Variants in PURB observed in about 807,000 individuals in gnomAD.
PURB encodes the protein purine rich element binding protein B.
In PURB, 11 loss-of-function variants were observed where a neutral mutation model predicts 21.1. The ratio of observed to expected loss-of-function variants is 0.52; its 90% confidence interval spans 0.33 to 0.86. The LOEUF (loss-of-function observed/expected upper bound fraction) is 0.86, where lower values mean the gene tolerates loss of function less well. Ranked by LOEUF, PURB falls within the 40% of genes least tolerant of loss-of-function variation. The probability of loss-of-function intolerance (pLI) is 0.02; values close to 1 mark genes in which losing one functional copy is unlikely to be tolerated. For synonymous variants in PURB, 246 were observed against 210.8 expected (o/e 1.17, Z -1.45); for missense variants, 357 against 456.5 (o/e 0.78, Z 1.99).
In PURB at chr7:44,882,933, G is replaced by A. The variant is rs1793899101; in HGVS notation, c.*1477C>T. 6.6e-6 allele frequency: 1 copy of A among 152,148 alleles called. No individual in the cohort carries two copies. The highest frequency in any genetic ancestry group is 2.1e-4 in the South Asian group (1 of 4,832). 9.4% of individuals were successfully genotyped at this position (152,148 alleles called of 1,614,324 possible). ...AATCCATTTAAAATATAGAAGAGGC[G>A]ATCCTTGAAAACCCCAACTTTTATT... On this transcript the variant is annotated 3_prime_UTR_variant, in exon 1 of 1. Coordinates refer to ENST00000395699, the MANE Select transcript of PURB (RefSeq NM_033224.5).
rs1292301047 is a variant in PURB, at chr7:44,878,083, C to G, written c.*6327G>C. 2 of 152,190 alleles carry G rather than the reference C, an allele frequency of 1.3e-5. No homozygotes were observed. The highest frequency in any genetic ancestry group is 1.3e-4 in the Admixed American group (2 of 15,282). The allele number at this position is 152,190 out of a possible 1,614,324, so 9.4% of individuals were successfully genotyped here. A position where few individuals can be genotyped will look rare whatever the true frequency, so the allele number is the denominator to read the frequency against. On this transcript the variant is annotated 3_prime_UTR_variant, in exon 1 of 1. Coordinates refer to ENST00000395699, the MANE Select transcript of PURB (RefSeq NM_033224.5). ...TCTTCCAACCAGCCTGATCTTGCAA[C>G]TCAGAGTTAAGACTGGGGACGAAAT...
rs2128691225 is a variant in PURB at position 44,878,680 on chromosome 7, C to G, written c.*5730G>C. ...GAAATATAAAATACATTCATAAAGG[C>G]CTTACTTGGATCAGGGGTACAGATA... On this transcript the variant is annotated 3_prime_UTR_variant, in exon 1 of 1. Transcript: ENST00000395699. 6.5e-6 allele frequency: 1 copy of G among 152,686 alleles called. No homozygotes were observed. The highest frequency in any genetic ancestry group is 2.1e-4 in the South Asian group (1 of 4,832). 9.5% of individuals were successfully genotyped at this position (152,686 alleles called of 1,614,324 possible). A position where few individuals can be genotyped will look rare whatever the true frequency, so the allele number is the denominator to read the frequency against.
Position 44,885,023 on chromosome 7 carries a change from G to C in PURB, c.326C>G (p.Ala109Gly). 1 of 1,544,594 alleles carries C rather than the reference G, an allele frequency of 6.5e-7. No individual in the cohort carries two copies. The highest frequency in any genetic ancestry group is 8.7e-7 in the Non-Finnish European group (1 of 1,146,978). The change falls in exon 1 of 1, where the codon GCC becomes GGC. Residue 109 changes from alanine (A) to glycine (G), a missense_variant. Ala to Gly is a moderately conservative substitution (Grantham distance 60). Transcript: ENST00000395699. ...PSSPEQLAAG[A>G]EEGGGPRRAL... ...GCGCCGCGGCCCGCCGCCCTCCTCG[G>C]CGCCAGCCGCCAGCTGCTCGGGGCT...
chr7:44,884,919 G>A lies in PURB; in HGVS notation c.430C>T (p.Leu144=), dbSNP rs1407688144. The A allele has an allele frequency of 6.3e-7, 1 of 1,582,148 alleles. No homozygotes were observed. The highest frequency in any genetic ancestry group is 1.8e-5 in the Admixed American group (1 of 55,304). ...DLKENQRGRF[L]RIRQTVNRGG... Reference sequence around the variant, plus strand: ...CGGTTGACCGTTTGGCGGATGCGCAGGAAGCGGCCGCGCTGGTTCTCCTTG... The same window carrying A: ...CGGTTGACCGTTTGGCGGATGCGCAAGAAGCGGCCGCGCTGGTTCTCCTTG... Residue 144 remains leucine (L), a synonymous_variant, in exon 1 of 1, where the codon CTG becomes TTG. Coordinates refer to ENST00000395699, the MANE Select transcript of PURB (RefSeq NM_033224.5).
chr7:44,884,274 G>A lies in PURB; in HGVS notation c.*136C>T. ...TCTCTTACGATTATTTCTCTTAACT[G>A]TGTTACGTTTTGTTTTTTCCCTCTG... On this transcript the variant is annotated 3_prime_UTR_variant, in exon 1 of 1. Coordinates refer to ENST00000395699, the MANE Select transcript of PURB (RefSeq NM_033224.5). 6.8e-7 allele frequency: 1 copy of A among 1,460,796 alleles called. No individual in the cohort carries two copies. The allele number at this position is 1,460,796 out of a possible 1,614,324, so 90.5% of individuals were successfully genotyped here. A position where few individuals can be genotyped will look rare whatever the true frequency, so the allele number is the denominator to read the frequency against.
At position 44,885,495 on chromosome 7, in the gene PURB, C is replaced by T. The variant is rs1303609547; in HGVS notation, c.-147G>A. Reference sequence around the variant, plus strand: ...CCGGCCGCCGCCGCCCCCCCATCGCCTCCGCGCCCCGCCCCCGCGACTTCC... The same window carrying T: ...CCGGCCGCCGCCGCCCCCCCATCGCTTCCGCGCCCCGCCCCCGCGACTTCC... On this transcript the variant is annotated 5_prime_UTR_variant, in exon 1 of 1. Transcript: ENST00000395699. The T allele has an allele frequency of 4.6e-5, 8 of 172,650 alleles. No homozygotes were observed. The East Asian group carries it at 7.6e-4, about 16-fold the overall frequency. The allele number at this position is 172,650 out of a possible 1,614,324, so 10.7% of individuals were successfully genotyped here. A position where few individuals can be genotyped will look rare whatever the true frequency, so the allele number is the denominator to read the frequency against.
chr7:44,884,496 G>A lies in PURB; in HGVS notation c.853C>T (p.Arg285Ter). The change falls in exon 1 of 1, where the codon CGA (arginine) becomes TGA (stop). Residue 285 changes from arginine (R) to a stop codon, truncating the protein, a stop_gained. Transcript: ENST00000395699. LOFTEE classifies it high-confidence loss of function. ...CGCTCATAAAGCTTATCCCTCTGTC[G>A]TTCCTGGATTTCTTTCATCTCATCC... ...YADEMKEIQE[R>*]QRDKLYERRG... 6.2e-7 allele frequency: 1 copy of A among 1,613,928 alleles called. No individual in the cohort carries two copies. Among genetic ancestry groups the A allele is most frequent in the Non-Finnish European group, 8.5e-7 (1 of 1,180,016 alleles).
chr7:44,882,051 T>C lies in PURB; in HGVS notation c.*2359A>G, dbSNP rs1293213708. On this transcript the variant is annotated 3_prime_UTR_variant, in exon 1 of 1. Coordinates refer to ENST00000395699, the MANE Select transcript of PURB (RefSeq NM_033224.5). ...TGGTCTATACAAGAATTGTACATGG[T>C]TTGAAAATGAAAAAGTTACAGCAAT... 1 of 152,812 alleles carries C rather than the reference T, an allele frequency of 6.5e-6. No homozygotes were observed. The highest frequency in any genetic ancestry group is 2.4e-5 in the African/African-American group (1 of 41,468). 9.5% of individuals were successfully genotyped at this position (152,812 alleles called of 1,614,324 possible). A position where few individuals can be genotyped will look rare whatever the true frequency, so the allele number is the denominator to read the frequency against.
In PURB at chr7:44,884,995, C is replaced by A. The variant is rs1000168378; in HGVS notation, c.354G>T (p.Ala118=). The A allele has an allele frequency of 9.1e-6, 14 of 1,546,400 alleles. No individual in the cohort carries two copies. In the African/African-American group the frequency reaches 9.8e-5, roughly 11 times the overall value. ...CACGCACCAAGAATTCGCTCTTGAG[C>A]GCGCGCCGCGGCCCGCCGCCCTCCT... ...GAEEGGGPRR[A]LKSEFLVREN... The change falls in exon 1 of 1, where the codon GCG becomes GCT. Residue 118 remains alanine, a synonymous_variant. Coordinates refer to ENST00000395699, the MANE Select transcript of PURB (RefSeq NM_033224.5).
chr7:44,878,713 G>C lies in PURB; in HGVS notation c.*5697C>G, dbSNP rs1793834076. The C allele has an allele frequency of 6.6e-6, 1 of 152,490 alleles. No individual in the cohort carries two copies. Among genetic ancestry groups the C allele is most frequent in the Non-Finnish European group, 1.5e-5 (1 of 68,006 alleles). The allele number at this position is 152,490 out of a possible 1,614,324, so 9.4% of individuals were successfully genotyped here. A position where few individuals can be genotyped will look rare whatever the true frequency, so the allele number is the denominator to read the frequency against. On this transcript the variant is annotated 3_prime_UTR_variant, in exon 1 of 1. Coordinates refer to ENST00000395699, the MANE Select transcript of PURB (RefSeq NM_033224.5). ...GGATCAGGGGTACAGATATCAATTG[G>C]GAATCTCTAAGGTAATAAGTTTTCT... is the stretch of plus-strand genomic sequence containing the variant.
chr7:44,880,925 G>T lies in PURB; in HGVS notation c.*3485C>A, dbSNP rs1056352992. 4 of 152,550 alleles carry T rather than the reference G, an allele frequency of 2.6e-5. No homozygotes were observed. The highest frequency in any genetic ancestry group is 7.2e-5 in the African/African-American group (3 of 41,408). The allele number at this position is 152,550 out of a possible 1,614,324, so 9.4% of individuals were successfully genotyped here. A position where few individuals can be genotyped will look rare whatever the true frequency, so the allele number is the denominator to read the frequency against. The stretch of plus-strand genomic sequence containing the variant: ...GGGTTTTTGGTTTGGTTTTCACTTT[G>T]ATTTTTGGTGCCATACAGATTTATA... On this transcript the variant is annotated 3_prime_UTR_variant, in exon 1 of 1. Transcript: ENST00000395699.
In PURB at chr7:44,878,827, G is replaced by A. The variant is rs1031159066; in HGVS notation, c.*5583C>T. ...TTTCAAGTAAGAGTCTGTTAAATCC[G>A]TCAGTAATAAAACTGAGTTTTAAGA... is the stretch of plus-strand genomic sequence containing the variant. On this transcript the variant is annotated 3_prime_UTR_variant, in exon 1 of 1. Coordinates refer to ENST00000395699, the MANE Select transcript of PURB (RefSeq NM_033224.5). The A allele has an allele frequency of 3.3e-5, 5 of 152,288 alleles. No homozygotes were observed. The highest frequency in any genetic ancestry group is 2.1e-4 in the South Asian group (1 of 4,824). 9.4% of individuals were successfully genotyped at this position (152,288 alleles called of 1,614,324 possible).
rs555617665 is a variant in PURB at position 44,879,300 on chromosome 7, T to G, written c.*5110A>C. ...CCTCAGCCTCCCAGAGTGCTGGGAT[T>G]ACAGGCGTGAGCCACCACGCCCGGC... On this transcript the variant is annotated 3_prime_UTR_variant, in exon 1 of 1. Coordinates refer to ENST00000395699, the MANE Select transcript of PURB (RefSeq NM_033224.5). 25 of 152,372 alleles carry G rather than the reference T, an allele frequency of 1.6e-4. No individual in the cohort carries two copies. Among genetic ancestry groups the G allele is most frequent in the African/African-American group, 5.8e-4 (24 of 41,572 alleles). The allele number at this position is 152,372 out of a possible 1,614,324, so 9.4% of individuals were successfully genotyped here. A position where few individuals can be genotyped will look rare whatever the true frequency, so the allele number is the denominator to read the frequency against.
Position 44,884,413 on chromosome 7 carries a change from A to G in PURB, c.936T>C (p.Asp312=). ...EESEGEEVDE[D] is the part of the protein sequence containing the mutation. ...CCTGTAGGGGAAGCTGCCCGTTTCA[A>G]TCCTCATCCACCTCCTCACCCTCTG... The change falls in exon 1 of 1, where the codon GAT becomes GAC. Residue 312 remains aspartate (D), a synonymous_variant. Coordinates refer to ENST00000395699, the MANE Select transcript of PURB (RefSeq NM_033224.5). 1 of 1,612,594 alleles carries G rather than the reference A, an allele frequency of 6.2e-7. No individual in the cohort carries two copies. Among genetic ancestry groups the G allele is most frequent in the Non-Finnish European group, 8.5e-7 (1 of 1,179,736 alleles).
rs997780441 is a variant in PURB at position 44,877,725 on chromosome 7, G to GC, written c.*6684dup. ...AGGCTGAGGCAGGAGAATCGCTTGAGCCCGGGAGGCAAAGGTTGCAGTGAG... is the reference window on the plus strand; with the variant it reads ...AGGCTGAGGCAGGAGAATCGCTTGAGCCCCGGGAGGCAAAGGTTGCAGTGAG... On this transcript the variant is annotated 3_prime_UTR_variant, in exon 1 of 1. Coordinates refer to ENST00000395699, the MANE Select transcript of PURB (RefSeq NM_033224.5). 1.3e-5 allele frequency: 2 copies of GC among 151,922 alleles called. No homozygotes were observed. Among genetic ancestry groups the GC allele is most frequent in the Non-Finnish European group, 2.9e-5 (2 of 68,068 alleles). 9.4% of individuals were successfully genotyped at this position (151,922 alleles called of 1,614,324 possible). A position where few individuals can be genotyped will look rare whatever the true frequency, so the allele number is the denominator to read the frequency against.
In PURB at chr7:44,885,046, G is replaced by A. The variant is rs1416828058; in HGVS notation, c.303C>T (p.Ser101=). 4 of 1,557,134 alleles carry A rather than the reference G, an allele frequency of 2.6e-6. No homozygotes were observed. The African/African-American group carries it at 4.2e-5, about 16-fold the overall frequency. ...CGGCGCCAGCCGCCAGCTGCTCGGG[G>A]CTGCTAGGGCCCAGCTGCGCGTAGT... is the stretch of plus-strand genomic sequence containing the variant. ...IEHYAQLGPS[S]PEQLAAGAEE... Residue 101 remains serine (S), a synonymous_variant, in exon 1 of 1, where the codon AGC becomes AGT. Coordinates refer to ENST00000395699, the MANE Select transcript of PURB (RefSeq NM_033224.5).
chr7:44,885,201 C>T lies in PURB; in HGVS notation c.148G>A (p.Val50Met), dbSNP rs1158409825. The stretch of plus-strand genomic sequence containing the variant: ...AAGCGGCCCTTGGCGTTCTGCTTCA[C>T]ATCTAAGTAGAAGCGCTTGTTCTGG... ...DIQNKRFYLD[V>M]KQNAKGRFLK... Residue 50 changes from valine (V) to methionine (M), a missense_variant, in exon 1 of 1, where the codon GTG becomes ATG. Coordinates refer to ENST00000395699, the MANE Select transcript of PURB (RefSeq NM_033224.5). 1 of 1,586,530 alleles carries T rather than the reference C, an allele frequency of 6.3e-7. No homozygotes were observed. The highest frequency in any genetic ancestry group is 1.7e-5 in the Admixed American group (1 of 57,386).
chr7:44,883,320 C>T lies in PURB; in HGVS notation c.*1090G>A, dbSNP rs952317411. On this transcript the variant is annotated 3_prime_UTR_variant, in exon 1 of 1. Transcript: ENST00000395699. ...GTGAGGATGTATATCCATTAAAGCT[C>T]AGGCTTATAGCCACACTGTTACTTT... 1 of 152,624 alleles carries T rather than the reference C, an allele frequency of 6.6e-6. No homozygotes were observed. Among genetic ancestry groups the T allele is most frequent in the African/African-American group, 2.4e-5 (1 of 41,454 alleles). 9.5% of individuals were successfully genotyped at this position (152,624 alleles called of 1,614,324 possible).
chr7:44,884,176 G>A lies in PURB; in HGVS notation c.*234C>T, dbSNP rs2128692157. The stretch of plus-strand genomic sequence containing the variant: ...GACAATTTTACGCAGGTGAGGAGAT[G>A]CTGTTTTCCTCTTTGCAGGTTGCTG... On this transcript the variant is annotated 3_prime_UTR_variant, in exon 1 of 1. Transcript: ENST00000395699. The A allele has an allele frequency of 5.3e-6, 5 of 942,790 alleles. No homozygotes were observed. The highest frequency in any genetic ancestry group is 3.7e-5 in the South Asian group (2 of 53,704). The allele number at this position is 942,790 out of a possible 1,614,324, so 58.4% of individuals were successfully genotyped here. A position where few individuals can be genotyped will look rare whatever the true frequency, so the allele number is the denominator to read the frequency against.
Sources: allele counts gnomAD v4.1 joint callset, GRCh38; gene constraint gnomAD v4.1.1; transcripts MANE v1.5; gene names NCBI Gene and HGNC (gene_info 2026-07-23, HGNC 2026-07-21).